Variants in PPT2 observed in about 807,000 individuals in gnomAD.
PPT2 encodes palmitoyl-protein thioesterase 2.
In PPT2, 20 loss-of-function variants were observed where a neutral mutation model predicts 37.3. The observed-to-expected ratio is 0.54, with a 90% confidence interval of 0.38 to 0.78. The LOEUF is 0.78. PPT2 is among the 30% of genes least tolerant of loss of function. The pLI, the probability that PPT2 is intolerant of heterozygous loss-of-function variation, is 0.00. For synonymous variants in PPT2, 135 were observed against 159.1 expected, an observed-to-expected ratio of 0.85 and a Z score of 1.14; for missense variants, 270 against 389.8, an observed-to-expected ratio of 0.69 and a Z score of 2.59.
Position 32,154,563 on chromosome 6 carries a change from A to G in PPT2, c.-8-24A>G, listed in dbSNP as rs1174336002. On this transcript the variant is annotated intron_variant, in intron 1 of 8. Coordinates refer to ENST00000324816, the MANE Select transcript of PPT2 (RefSeq NM_005155.7). The surrounding 1 kb of genome is among the most constrained non-coding windows in gnomAD (Gnocchi z 7.3). Reference sequence around the variant, plus strand: ...AGGAGGGTGTTGCCATCTCCCTCACATGCCCTTATCACCCCTTTCTCAGGC... The same window carrying G: ...AGGAGGGTGTTGCCATCTCCCTCACGTGCCCTTATCACCCCTTTCTCAGGC... The G allele has an allele frequency of 1.3e-6, 2 of 1,592,682 alleles. No individual in the cohort carries two copies. The highest frequency in any genetic ancestry group is 2.7e-5 in the African/African-American group (2 of 74,534).
Position 32,157,884 on chromosome 6 carries a change from G to T in PPT2, c.670G>T (p.Gly224Trp). 6.2e-7 allele frequency: 1 copy of T among 1,612,724 alleles called. No homozygotes were observed. The highest frequency in any genetic ancestry group is 8.5e-7 in the Non-Finnish European group (1 of 1,179,776). Reference sequence around the variant, plus strand: ...GCGTGTGGGCCACCTGGTGCTGATTGGGGGCCCTGATGATGGTGTTATTAC... The same window carrying T: ...GCGTGTGGGCCACCTGGTGCTGATTTGGGGCCCTGATGATGGTGTTATTAC... ...FLRVGHLVLIGGPDDGVITPW... is the reference protein window; with the variant it reads ...FLRVGHLVLIWGPDDGVITPW... The change falls in exon 7 of 9, where the codon GGG becomes TGG. Residue 224 changes from glycine to tryptophan, a missense_variant. Gly to Trp is a radical substitution (Grantham distance 184). Transcript: ENST00000324816.
At chr6:32,154,096 C>A, upstream of PPT2, 1 of 1,083,236 alleles carries the variant, frequency 9.2e-7, no homozygotes. This position sits in a 1 kb window ranked among gnomAD's most constrained non-coding sequence, Gnocchi z 7.3. Context: ...CCGGACGTGA[C>A]GGATTTGCGC....
intron 7 of PPT2, among the ~76,000 whole-genome samples, chr6:32,159,499 C>T (rs13209014): frequency 0.012 from 1,771 of 145,190 alleles, 20 homozygotes; most frequent in Non-Finnish European, 0.019. Flanking sequence ...CCGACAGTCC[C>T]GGTAACCAGG....
Position 32,155,584 on chromosome 6 carries a change from C to CTGTGTGTGTG in PPT2, c.338-79_338-70dup, listed in dbSNP as rs28359849. 33,297 of 687,324 alleles carry CTGTGTGTGTG rather than the reference C, an allele frequency of 0.048. 445 individuals carry two copies. Among genetic ancestry groups the CTGTGTGTGTG allele is most frequent in the African/African-American group, 0.085 (3,854 of 45,480 alleles). 42.6% of individuals were successfully genotyped at this position (687,324 alleles called of 1,614,324 possible). On this transcript the variant is annotated intron_variant, in intron 3 of 8. Coordinates refer to ENST00000324816, the MANE Select transcript of PPT2 (RefSeq NM_005155.7). The surrounding 1 kb of genome is among the most constrained non-coding windows in gnomAD (Gnocchi z 4.3). ...GTACAGTGTGTGTCTGTGTGTGTCT[C>CTGTGTGTGTG]TGTGTGTGTGTGTGTGTGTGTGTGT...
rs1002422716 is a variant in PPT2, at chr6:32,162,700, G to A, written c.765+78G>A. ...GAGCCCTCTCTGTGACTCCTGAGCT[G>A]AAGGGTTCACCCTGTGGGGAGGAGG... On this transcript the variant is annotated intron_variant, in intron 8 of 8. Transcript: ENST00000324816. This position sits in a 1 kb window ranked among gnomAD's most constrained non-coding sequence, Gnocchi z 5.5. 2 of 1,575,392 alleles carry A rather than the reference G, an allele frequency of 1.3e-6. No individual in the cohort carries two copies. Among genetic ancestry groups the A allele is most frequent in the African/African-American group, 2.7e-5 (2 of 73,948 alleles).
intron 7 of PPT2, among the ~76,000 whole-genome samples, chr6:32,159,790 C>T (rs1217305761): frequency 6.6e-6 from 1 of 150,810 alleles, no homozygotes; most frequent in Non-Finnish European, 1.5e-5. Flanking sequence ...AGCACAATCT[C>T]GGCTCACTGC....
chr6:32,157,760 T>C (rs370002208), intron 6 of PPT2, 40 bp downstream of exon 6: 1 of 1,567,524 alleles, frequency 6.4e-7, no homozygotes, highest in South Asian at 1.1e-5. Flanking sequence ...TTTTTCTGCT[T>C]CTTTGACTCC....
chr6:32,154,578 C>A lies in PPT2; in HGVS notation c.-8-9C>A, dbSNP rs1439237962. ...TCTCCCTCACATGCCCTTATCACCC[C>A]TTTCTCAGGCGGGAGCATGCTGGGG... is the stretch of plus-strand genomic sequence containing the variant. On this transcript the variant is annotated splice_polypyrimidine_tract_variant and intron_variant, in intron 1 of 8. Transcript: ENST00000324816. The surrounding 1 kb of genome is among the most constrained non-coding windows in gnomAD (Gnocchi z 7.3). 3 of 1,605,858 alleles carry A rather than the reference C, an allele frequency of 1.9e-6. No individual in the cohort carries two copies. In the African/African-American group the frequency reaches 4.0e-5, roughly 21 times the overall value.
chr6:32,153,621 T>G, upstream of PPT2: 3 of 1,601,836 alleles, frequency 1.9e-6, no homozygotes, highest in Non-Finnish European at 2.6e-6. The surrounding 1 kb of genome is among the most constrained non-coding windows in gnomAD (Gnocchi z 4.4). Context: ...CTACACGCAC[T>G]TCAGAATGAA....
chr6:32,154,977 G>A lies in PPT2; in HGVS notation c.184-53G>A, dbSNP rs1219115892. On this transcript the variant is annotated intron_variant, in intron 2 of 8. Transcript: ENST00000324816. The surrounding 1 kb of genome is among the most constrained non-coding windows in gnomAD (Gnocchi z 7.3). ...CTGTGGACGCGGGCCAGGGGGTGGC[G>A]TGTGGGAGCTTCTTAGCCTATCCCC... The A allele has an allele frequency of 1.9e-6, 3 of 1,608,252 alleles. No individual in the cohort carries two copies. The highest frequency in any genetic ancestry group is 2.7e-5 in the African/African-American group (2 of 74,762).
Position 32,155,073 on chromosome 6 carries a change from G to A in PPT2, c.227G>A (p.Gly76Glu). ...TVVTVLDLFDGRESLRPLWEQ... is the reference protein window; with the variant it reads ...TVVTVLDLFDERESLRPLWEQ... ...GTGACAGTGCTCGATCTCTTCGATGGGAGAGAGAGCTTGCGACCCCTGTGG... is the reference window on the plus strand; with the variant it reads ...GTGACAGTGCTCGATCTCTTCGATGAGAGAGAGAGCTTGCGACCCCTGTGG... The change falls in exon 3 of 9, where the codon GGG becomes GAG. Residue 76 changes from glycine to glutamate, a missense_variant. Gly to Glu is a moderately conservative substitution (Grantham distance 98). Transcript: ENST00000324816. This position sits in a 1 kb window ranked among gnomAD's most constrained non-coding sequence, Gnocchi z 4.3. 6.2e-7 allele frequency: 1 copy of A among 1,613,132 alleles called. No homozygotes were observed. Among genetic ancestry groups the A allele is most frequent in the Non-Finnish European group, 8.5e-7 (1 of 1,179,998 alleles).
chr6:32,162,655 CG>C lies in PPT2; in HGVS notation c.765+34del. The stretch of plus-strand genomic sequence containing the variant: ...CCCTGGGATTACTTCCCCTTCTAGC[CG>C]CTGTCCCACCTTATTCCAGAGCCCT... On this transcript the variant is annotated intron_variant, in intron 8 of 8. Transcript: ENST00000324816. The surrounding 1 kb of genome is among the most constrained non-coding windows in gnomAD (Gnocchi z 5.5). 1 of 1,583,658 alleles carries C rather than the reference CG, an allele frequency of 6.3e-7. No homozygotes were observed. The highest frequency in any genetic ancestry group is 8.7e-7 in the Non-Finnish European group (1 of 1,152,374).
Position 32,155,249 on chromosome 6 carries a change from C to T in PPT2, c.337+66C>T. 2 of 1,568,642 alleles carry T rather than the reference C, an allele frequency of 1.3e-6. No individual in the cohort carries two copies. Among genetic ancestry groups the T allele is most frequent in the Non-Finnish European group, 1.7e-6 (2 of 1,145,012 alleles). On this transcript the variant is annotated intron_variant, in intron 3 of 8. Coordinates refer to ENST00000324816, the MANE Select transcript of PPT2 (RefSeq NM_005155.7). This position sits in a 1 kb window ranked among gnomAD's most constrained non-coding sequence, Gnocchi z 4.3. ...AGGCTTGATCCTTATCTGAGGGACA[C>T]TTCCTAGCGTCCCTTTTTCTGAACC...
Position 32,154,997 on chromosome 6 carries a change from A to G in PPT2, c.184-33A>G. 6 of 1,611,440 alleles carry G rather than the reference A, an allele frequency of 3.7e-6. No homozygotes were observed. Among genetic ancestry groups the G allele is most frequent in the Non-Finnish European group, 5.1e-6 (6 of 1,179,802 alleles). On this transcript the variant is annotated intron_variant, in intron 2 of 8. Coordinates refer to ENST00000324816, the MANE Select transcript of PPT2 (RefSeq NM_005155.7). This position sits in a 1 kb window ranked among gnomAD's most constrained non-coding sequence, Gnocchi z 7.3. ...GTGGCGTGTGGGAGCTTCTTAGCCTATCCCCGGTGGCTGCATTGCCCCCTT... is the reference window on the plus strand; with the variant it reads ...GTGGCGTGTGGGAGCTTCTTAGCCTGTCCCCGGTGGCTGCATTGCCCCCTT...
At chr6:32,161,590 C>CTT (rs9281664) in intron 7 of PPT2, among the ~76,000 whole-genome samples, 7 of 115,402 alleles carry the variant, frequency 6.1e-5, no homozygotes, top group Admixed American at 9.3e-5. Context: ...CACCTGGCCT[C>CTT]TTTTTTTTTT....
rs747951107 is a variant in PPT2, at chr6:32,155,666, C to G, written c.338-22C>G. On this transcript the variant is annotated intron_variant, in intron 3 of 8. Transcript: ENST00000324816. This position sits in a 1 kb window ranked among gnomAD's most constrained non-coding sequence, Gnocchi z 4.3. ...GCTTTGCTGTCCTTAAGTGCCTGCCCAATGTGGTGTTCTGCTTACAGGGGG... is the reference window on the plus strand; with the variant it reads ...GCTTTGCTGTCCTTAAGTGCCTGCCGAATGTGGTGTTCTGCTTACAGGGGG... 1 of 1,607,526 alleles carries G rather than the reference C, an allele frequency of 6.2e-7. No homozygotes were observed. The highest frequency in any genetic ancestry group is 1.7e-5 in the Admixed American group (1 of 59,890).
At chr6:32,160,409 G>A (rs3130282) in intron 7 of PPT2, among the ~76,000 whole-genome samples, 18 of 151,112 alleles carry the variant, frequency 1.2e-4, no homozygotes, top group Admixed American at 7.9e-4. Flanking sequence ...GGTGGCTCAC[G>A]CCTATAATCC....
In PPT2 at chr6:32,156,046, A is replaced by G; in HGVS notation, c.541+68A>G. Reference sequence around the variant, plus strand: ...GTTGCTTCCACCTCTGCTACAACCAATAGCAGTGATGACAATAAAGATAAC... The same window carrying G: ...GTTGCTTCCACCTCTGCTACAACCAGTAGCAGTGATGACAATAAAGATAAC... On this transcript the variant is annotated intron_variant, in intron 5 of 8. Coordinates refer to ENST00000324816, the MANE Select transcript of PPT2 (RefSeq NM_005155.7). The surrounding 1 kb of genome is among the most constrained non-coding windows in gnomAD (Gnocchi z 4.9). The G allele has an allele frequency of 1.8e-6, 2 of 1,101,446 alleles. No individual in the cohort carries two copies. The highest frequency in any genetic ancestry group is 1.7e-5 in the Admixed American group (1 of 57,286). The allele number at this position is 1,101,446 out of a possible 1,614,324, so 68.2% of individuals were successfully genotyped here.
Position 32,155,817 on chromosome 6 carries a change from A to G in PPT2, c.433+34A>G. ...GCACTAGACTCCATAGAATGCCCTGAGTTTTGGGGGAACAGAGGTTTATGG... is the reference window on the plus strand; with the variant it reads ...GCACTAGACTCCATAGAATGCCCTGGGTTTTGGGGGAACAGAGGTTTATGG... On this transcript the variant is annotated intron_variant, in intron 4 of 8. Coordinates refer to ENST00000324816, the MANE Select transcript of PPT2 (RefSeq NM_005155.7). This position sits in a 1 kb window ranked among gnomAD's most constrained non-coding sequence, Gnocchi z 4.3. The G allele has an allele frequency of 6.2e-7, 1 of 1,610,864 alleles. No homozygotes were observed. The highest frequency in any genetic ancestry group is 8.5e-7 in the Non-Finnish European group (1 of 1,177,124).
Sources: gnomAD v4.1 joint callset for allele counts (sites outside exome capture counted in the v4.1 genomes callset) on GRCh38, gnomAD v4.1.1 for gene constraint, Gnocchi (gnomAD v3.1) non-coding constraint, MANE v1.5 for transcripts, NCBI Gene and HGNC (gene_info 2026-07-23, HGNC 2026-07-21) for gene names.